Variants in PPP4R1 observed in about 807,000 individuals in gnomAD.
PPP4R1 encodes the protein serine/threonine-protein phosphatase 4 regulatory subunit 1.
Under a neutral mutation model 111.2 loss-of-function variants are expected in PPP4R1, and 42 were observed. The observed-to-expected ratio is 0.38, with a 90% confidence interval of 0.29 to 0.49. The LOEUF is 0.49. PPP4R1 is among the 20% of genes least tolerant of loss of function. PPP4R1 has a pLI of 0.97. For missense variants in PPP4R1, 1,012 were observed against 1,161.6 expected (o/e 0.87, Z 1.87); for synonymous variants, 409 against 405.5 (o/e 1.01, Z -0.10).
At position 9,614,542 on chromosome 18, in the gene PPP4R1, G is replaced by A. The variant is rs1163055784; in HGVS notation, c.-58C>T. The A allele has an allele frequency of 1.6e-5, 16 of 998,356 alleles. No homozygotes were observed. The highest frequency in any genetic ancestry group is 6.1e-5 in the Admixed American group (1 of 16,402). 61.8% of individuals were successfully genotyped at this position (998,356 alleles called of 1,614,324 possible). Reference sequence around the variant, plus strand: ...GGGAGCCGGGGCTACATGGAGCGGCGCGAGCCGGGGAGCCGGTGGACGCGC... The same window carrying A: ...GGGAGCCGGGGCTACATGGAGCGGCACGAGCCGGGGAGCCGGTGGACGCGC... On this transcript the variant is annotated 5_prime_UTR_variant, in exon 1 of 20. Transcript: ENST00000400556. The surrounding 1 kb of genome is among the most constrained non-coding windows in gnomAD (Gnocchi z 4.1).
chr18:9,584,636 G>T, intron 7 of PPP4R1, 56 bp from the exon 8 acceptor site: 2 of 1,602,778 alleles, frequency 1.2e-6, no homozygotes, highest in Non-Finnish European at 1.7e-6. Flanking sequence ...GTTCTTCTAA[G>T]ATAATCTTTT....
chr18:9,583,229 C>T lies in PPP4R1; in HGVS notation c.806G>A (p.Arg269Gln), dbSNP rs1349455274. The T allele has an allele frequency of 5.6e-6, 9 of 1,607,420 alleles. No individual in the cohort carries two copies. The highest frequency in any genetic ancestry group is 1.3e-5 in the African/African-American group (1 of 74,798). Residue 269 changes from arginine (R) to glutamine (Q), a missense_variant, in exon 9 of 20, where the codon CGA (arginine) becomes CAA (glutamine). Around this residue, in one of 2 missense-constraint regions of PPP4R1, gnomAD observed 707 missense variants for 742.1 expected, o/e 0.95. Transcript: ENST00000400556. ...QLCSDNVWGV[R>Q]KACAECFMAV... ...CATGAAGCATTCAGCACAAGCCTTT[C>T]GGACTCCCCATACATTATCAGAACA...
intron 12 of PPP4R1, 58 bp from the exon 13 acceptor site, chr18:9,562,133 C>T (rs1373399429): frequency 7.7e-7 from 1 of 1,299,936 alleles, no homozygotes; most frequent in Non-Finnish European, 1.1e-6. Flanking sequence ...TTCATTTAAG[C>T]TATCTTACTA....
intron 13 of PPP4R1, among the ~76,000 whole-genome samples, chr18:9,559,891 A>G (rs1032473953): frequency 6.6e-6 from 1 of 152,246 alleles, no homozygotes; most frequent in African/African-American, 2.4e-5. Context: ...AAGACATATT[A>G]AAATAACACC....
At chr18:9,588,015 C>G (rs1302992025) in intron 6 of PPP4R1, 74 bp downstream of exon 6, 1 of 1,567,000 alleles carries the variant, frequency 6.4e-7, no homozygotes, top group African/African-American at 1.3e-5. Context: ...CCGTGCCTAA[C>G]CCCGGCCTGA....
rs146077499 is a variant in PPP4R1, at chr18:9,569,614, C to T, written c.1573+543G>A. Among the ~76,000 whole-genome samples, 40 of 152,100 alleles carry T rather than the reference C, an allele frequency of 2.6e-4. No individual in the cohort carries two copies. In the East Asian group the frequency reaches 7.5e-3, roughly 29 times the overall value. ...GTATAAATTACAGTAAGGAATGCAA[C>T]GATGAGCCTATTTTAAATAAAAAAT... is the stretch of plus-strand genomic sequence containing the variant. On this transcript the variant is annotated intron_variant, in intron 11 of 19. Coordinates refer to ENST00000400556, the MANE Select transcript of PPP4R1 (RefSeq NM_001042388.3).
chr18:9,557,194 T>C (rs541749462), intron 15 of PPP4R1, 27 bp downstream of exon 15: 1 of 1,549,660 alleles, frequency 6.5e-7, no homozygotes, highest in Non-Finnish European at 8.7e-7. Context: ...TTTGTTGTGT[T>C]TTTATGCAAA....
intron 2 of PPP4R1, among the ~76,000 whole-genome samples, chr18:9,604,384 CCT>C (rs377249536): frequency 7.6e-4 from 116 of 152,244 alleles, no homozygotes; most frequent in African/African-American, 2.6e-3. Flanking sequence ...CATTCCACCC[CCT>C]GATAAGCCTC....
At chr18:9,556,447 C>A (rs1008296282) in intron 15 of PPP4R1, among the ~76,000 whole-genome samples, 2 of 152,198 alleles carry the variant, frequency 1.3e-5, no homozygotes, top group Non-Finnish European at 2.9e-5. Context: ...CCCGCCTCAG[C>A]CTCCCAAAGT....
chr18:9,568,066 T>C (rs2066798458), intron 11 of PPP4R1, among the ~76,000 whole-genome samples: 1 of 152,208 alleles, frequency 6.6e-6, no homozygotes, highest in South Asian at 2.1e-4. Context: ...TCTTACTCTC[T>C]CACCCAGGCT....
chr18:9,600,196 CAAAAAA>C (rs57840721), intron 2 of PPP4R1, among the ~76,000 whole-genome samples: 5 of 109,264 alleles, frequency 4.6e-5, no homozygotes, highest in East Asian at 2.6e-4. Flanking sequence ...TTCTATTTCC[CAAAAAA>C]AAAAAAAAAA....
At chr18:9,612,032 GT>G (rs1439123687) in intron 2 of PPP4R1, among the ~76,000 whole-genome samples, 2 of 151,176 alleles carry the variant, frequency 1.3e-5, no homozygotes, top group African/African-American at 4.9e-5. Context: ...AAAAAATTTA[GT>G]TGCGAGCATT....
At chr18:9,592,429 G>A (rs1020666856) in intron 4 of PPP4R1, among the ~76,000 whole-genome samples, 1 of 152,090 alleles carries the variant, frequency 6.6e-6, no homozygotes, top group Non-Finnish European at 1.5e-5. Context: ...CTAACTTTCT[G>A]AAGCCTGCCC....
intron 15 of PPP4R1, among the ~76,000 whole-genome samples, chr18:9,554,000 G>C (rs2066528905): frequency 6.6e-6 from 1 of 152,210 alleles, no homozygotes; most frequent in South Asian, 2.1e-4. Flanking sequence ...ATCTTCAAGG[G>C]ACGTTCTAAG....
At chr18:9,582,817 C>T (rs1323660011) in intron 9 of PPP4R1, among the ~76,000 whole-genome samples, 2 of 152,126 alleles carry the variant, frequency 1.3e-5, no homozygotes, top group Non-Finnish European at 2.9e-5. Context: ...AAGAATTATA[C>T]AACTATGACC....
At chr18:9,594,958 T>G in intron 3 of PPP4R1, 60 bp downstream of exon 3, 1 of 1,570,694 alleles carries the variant, frequency 6.4e-7, no homozygotes, top group East Asian at 2.2e-5. Context: ...TCATTTTCCC[T>G]ACTGAAGTTA....
At chr18:9,570,078 T>C (rs903202215) in intron 11 of PPP4R1, 79 bp downstream of exon 11, 2 of 1,421,960 alleles carry the variant, frequency 1.4e-6, no homozygotes, top group East Asian at 2.4e-5. Context: ...GACAATTTTT[T>C]CTGAAATGAA....
intron 19 of PPP4R1, among the ~76,000 whole-genome samples, chr18:9,548,603 A>C (rs963833552): frequency 7.2e-5 from 11 of 152,180 alleles, no homozygotes; most frequent in African/African-American, 2.7e-4. Context: ...TTGTACATAA[A>C]AACAACACCC....
intron 8 of PPP4R1, 41 bp downstream of exon 8, chr18:9,584,474 G>A: frequency 6.5e-7 from 1 of 1,548,724 alleles, no homozygotes. Flanking sequence ...GTACTACTTT[G>A]TAACACACAC....
Sources: allele counts gnomAD v4.1 joint callset (sites outside exome capture counted in the v4.1 genomes callset), GRCh38; gene constraint gnomAD v4.1.1; regional missense constraint gnomAD v4.1.1; non-coding constraint Gnocchi (gnomAD v3.1); transcripts MANE v1.5; gene names NCBI Gene and HGNC (gene_info 2026-07-23, HGNC 2026-07-21).